The following PARD3 variants were observed in gnomAD, a reference collection of about 807,000 sequenced individuals.
The protein encoded by PARD3 is par-3 family cell polarity regulator.
A neutral mutation model predicts 155.4 loss-of-function variants in PARD3; 75 were observed. The observed-to-expected ratio is 0.48, with a 90% CI of 0.40 to 0.58. The LOEUF is 0.58. Among genes scored for constraint, PARD3 ranks in the 20% least tolerant of loss-of-function variants. PARD3 has a pLI of 0.00. For synonymous variants in PARD3, 576 were observed against 610.5 expected (o/e 0.94, Z 0.83); for missense variants, 1,642 against 1,721.7 (o/e 0.95, Z 0.82).
At chr10:34,447,759 C>T (rs1332143901) in intron 5 of PARD3, among the ~76,000 whole-genome samples, 4 of 149,736 alleles carry the variant, frequency 2.7e-5, no homozygotes, top group Admixed American at 6.6e-5. Context: ...GAACCGAGAT[C>T]GCACCACTGC....
chr10:34,778,122 C>CATAT (rs1839818495), intron 1 of PARD3, among the ~76,000 whole-genome samples: 1 of 152,190 alleles, frequency 6.6e-6, no homozygotes, highest in African/African-American at 2.4e-5. Flanking sequence ...GCAGCATTTG[C>CATAT]ATATAACCTC....
chr10:34,738,423 C>T (rs750177748), intron 1 of PARD3, among the ~76,000 whole-genome samples: 1 of 152,222 alleles, frequency 6.6e-6, no homozygotes, highest in Non-Finnish European at 1.5e-5. Context: ...GGGATCTTCT[C>T]GTCTTGGGGT....
intron 22 of PARD3, among the ~76,000 whole-genome samples, chr10:34,170,727 T>C (rs1433535384): frequency 6.6e-6 from 1 of 152,160 alleles, no homozygotes; most frequent in Non-Finnish European, 1.5e-5. Flanking sequence ...AGACATTCCA[T>C]GTCACAACAA....
chr10:34,797,605 T>C (rs1842415157), intron 1 of PARD3, among the ~76,000 whole-genome samples: 2 of 152,178 alleles, frequency 1.3e-5, no homozygotes, highest in South Asian at 4.1e-4. Flanking sequence ...AAGTATTCTG[T>C]CCACTACTCA....
In PARD3 at chr10:34,197,601, C is replaced by T. The variant is rs1229463350; in HGVS notation, c.3420-66018G>A. On this transcript the variant is annotated intron_variant, in intron 22 of 24. Coordinates refer to ENST00000374788, the MANE Select transcript of PARD3 (RefSeq NM_001184785.2). ...TCTTACTTAGACTAGGTGTATGCTG[C>T]GTGAGCTAATAAATTCAGGCCTCCA... Among the ~76,000 whole-genome samples, 8 of 152,298 alleles carry T rather than the reference C, an allele frequency of 5.3e-5. No homozygotes were observed. In the East Asian group the frequency reaches 1.4e-3, roughly 26 times the overall value.
intron 22 of PARD3, among the ~76,000 whole-genome samples, chr10:34,131,802 T>C (rs1174029374): frequency 2.1e-5 from 3 of 143,944 alleles, no homozygotes; most frequent in Non-Finnish European, 4.6e-5. Context: ...GTAAACAATA[T>C]TTTTAGATAT....
At chr10:34,254,466 G>A (rs558470191) in intron 22 of PARD3, among the ~76,000 whole-genome samples, 49 of 151,936 alleles carry the variant, frequency 3.2e-4, no homozygotes, top group Admixed American at 8.5e-4. Context: ...CTCTCTTTTT[G>A]TCATTGTAAT....
At chr10:34,505,303 C>A (rs918623832) in intron 3 of PARD3, among the ~76,000 whole-genome samples, 1 of 152,298 alleles carries the variant, frequency 6.6e-6, no homozygotes, top group South Asian at 2.1e-4. Flanking sequence ...GCAAAGGTAA[C>A]AGTACCAGGC....
chr10:34,805,492 T>C (rs922635429), intron 1 of PARD3, among the ~76,000 whole-genome samples: 1 of 150,112 alleles, frequency 6.7e-6, no homozygotes, highest in African/African-American at 2.4e-5. Flanking sequence ...CTAAAATGAC[T>C]TAAATTTATA....
chr10:34,144,826 G>A (rs1261091976), intron 22 of PARD3, among the ~76,000 whole-genome samples: 4 of 151,918 alleles, frequency 2.6e-5, no homozygotes, highest in Non-Finnish European at 5.9e-5. Context: ...GTCTATCATG[G>A]CTTATTAAGC....
At chr10:34,282,452 C>A (rs936944804) in intron 21 of PARD3, among the ~76,000 whole-genome samples, 1 of 152,018 alleles carries the variant, frequency 6.6e-6, no homozygotes, top group Admixed American at 6.6e-5. Context: ...ACAAGTGAAA[C>A]CATTATGTAA....
intron 3 of PARD3, among the ~76,000 whole-genome samples, chr10:34,494,602 G>A (rs2080147867): frequency 6.6e-6 from 1 of 152,160 alleles, no homozygotes; most frequent in Non-Finnish European, 1.5e-5. Context: ...GCCCTGTTAG[G>A]AAAATCTTTC....
intron 3 of PARD3, among the ~76,000 whole-genome samples, chr10:34,505,923 C>T (rs1045622932): frequency 6.6e-6 from 1 of 152,038 alleles, no homozygotes; most frequent in African/African-American, 2.4e-5. Context: ...GTCAGGAGTT[C>T]GAGGCCAGCC....
At chr10:34,213,409 C>T (rs948046886) in intron 22 of PARD3, among the ~76,000 whole-genome samples, 1 of 152,100 alleles carries the variant, frequency 6.6e-6, no homozygotes. Context: ...CCACCATGCC[C>T]CACCTCCCAA....
intron 4 of PARD3, 125 bp from the exon 5 acceptor site, chr10:34,450,573 T>C: frequency 1.1e-6 from 1 of 884,802 alleles, no homozygotes; most frequent in South Asian, 1.8e-5. Context: ...TCCAATCCTA[T>C]ACAAAATAGC....
intron 1 of PARD3, among the ~76,000 whole-genome samples, chr10:34,725,693 C>T (rs1190941097): frequency 1.3e-5 from 2 of 152,108 alleles, no homozygotes; most frequent in Non-Finnish European, 2.9e-5. Flanking sequence ...TCAGAAACAC[C>T]TGCGAGCTTT....
intron 1 of PARD3, among the ~76,000 whole-genome samples, chr10:34,754,772 C>T (rs1836502098): frequency 6.6e-6 from 1 of 152,186 alleles, no homozygotes; most frequent in Non-Finnish European, 1.5e-5. Context: ...TTAAACTATA[C>T]ACATACAAAT....
intron 1 of PARD3, among the ~76,000 whole-genome samples, chr10:34,740,033 G>A (rs898301589): frequency 6.6e-6 from 1 of 152,214 alleles, no homozygotes; most frequent in Non-Finnish European, 1.5e-5. Flanking sequence ...GAAGGGAAGG[G>A]AAGAAAGGAA....
At chr10:34,325,102 C>T (rs543155868) in intron 19 of PARD3, among the ~76,000 whole-genome samples, 1 of 152,172 alleles carries the variant, frequency 6.6e-6, no homozygotes, top group African/African-American at 2.4e-5. Context: ...CTCCGCCTCC[C>T]GGGTTCAAGC....
Sources: gnomAD v4.1 joint callset for allele counts (sites outside exome capture counted in the v4.1 genomes callset) on GRCh38, gnomAD v4.1.1 for gene constraint, MANE v1.5 for transcripts, NCBI Gene and HGNC (gene_info 2026-07-23, HGNC 2026-07-21) for gene names.